CPQ: variants seen among roughly 807,000 people sequenced by gnomAD.
The protein encoded by CPQ is Ser-Met dipeptidase.
Under a neutral mutation model 45.7 loss-of-function variants are expected in CPQ, and 37 were observed. The observed-to-expected ratio is 0.81, with a 90% CI of 0.62 to 1.07. The LOEUF (loss-of-function observed/expected upper bound fraction) is 1.07. Among genes scored for constraint, CPQ ranks in the 50% least tolerant of loss-of-function variants. The pLI is 0.00. For missense variants in CPQ, 537 were observed against 572.9 expected, an observed-to-expected ratio of 0.94 and a Z score of 0.64; for synonymous variants, 186 against 205.8, an observed-to-expected ratio of 0.90 and a Z score of 0.82.
At chr8:96,820,471 C>T (rs1811285803) in intron 2 of CPQ, among the ~76,000 whole-genome samples, 1 of 150,988 alleles carries the variant, frequency 6.6e-6, no homozygotes, top group Non-Finnish European at 1.5e-5. Flanking sequence ...GACTCTTCTC[C>T]CCTCTCCCCT....
intron 1 of CPQ, among the ~76,000 whole-genome samples, chr8:96,717,103 C>T (rs1809692703): frequency 7.9e-6 from 1 of 126,630 alleles, no homozygotes; most frequent in African/African-American, 3.1e-5. Context: ...ACACACACAC[C>T]ACATTTTCTT....
chr8:96,852,707 G>C (rs189301913), intron 3 of CPQ, among the ~76,000 whole-genome samples: 4 of 152,118 alleles, frequency 2.6e-5, no homozygotes, highest in African/African-American at 7.2e-5. Context: ...ATTTGTTCAG[G>C]AGAATAGCAA....
intron 1 of CPQ, among the ~76,000 whole-genome samples, chr8:96,767,869 C>A (rs1334501656): frequency 6.6e-6 from 1 of 151,872 alleles, no homozygotes; most frequent in Non-Finnish European, 1.5e-5. Flanking sequence ...GTCTCGAACC[C>A]CTAACCTCAG....
intron 7 of CPQ, among the ~76,000 whole-genome samples, chr8:97,104,427 C>A (rs1488446241): frequency 6.6e-6 from 1 of 152,126 alleles, no homozygotes; most frequent in Non-Finnish European, 1.5e-5. Flanking sequence ...CTCTTAGGAT[C>A]TTTTTGGTAA....
At chr8:96,803,315 TC>T (rs1267589588) in intron 2 of CPQ, among the ~76,000 whole-genome samples, 4 of 152,280 alleles carry the variant, frequency 2.6e-5, no homozygotes, top group African/African-American at 9.6e-5. Flanking sequence ...CTTTATTCAG[TC>T]CACCAATTCA....
intron 1 of CPQ, among the ~76,000 whole-genome samples, chr8:96,762,679 G>A (rs1370977953): frequency 6.6e-6 from 1 of 152,086 alleles, no homozygotes; most frequent in Non-Finnish European, 1.5e-5. Context: ...ATCTGAGATT[G>A]TTTTACGGGG....
intron 1 of CPQ, among the ~76,000 whole-genome samples, chr8:96,738,220 A>T (rs1810018622): frequency 6.6e-6 from 1 of 152,132 alleles, no homozygotes; most frequent in South Asian, 2.1e-4. Context: ...TCATAGACAC[A>T]CATTAAATTA....
intron 5 of CPQ, among the ~76,000 whole-genome samples, chr8:96,991,884 T>C (rs1809099530): frequency 6.6e-6 from 1 of 152,124 alleles, no homozygotes; most frequent in Non-Finnish European, 1.5e-5. Flanking sequence ...CTCTCCATCA[T>C]TGAGAAGGAA....
intron 7 of CPQ, among the ~76,000 whole-genome samples, chr8:97,078,967 T>A (rs1475697741): frequency 6.6e-6 from 1 of 152,036 alleles, no homozygotes; most frequent in African/African-American, 2.4e-5. Flanking sequence ...CCAGCTAATT[T>A]TTTTAAAATT....
At chr8:97,126,914 C>T (rs370726024) in intron 7 of CPQ, among the ~76,000 whole-genome samples, 46 of 152,098 alleles carry the variant, frequency 3.0e-4, no homozygotes, top group Non-Finnish European at 5.1e-4. Context: ...GGTTATTCAA[C>T]GGGAAAAGGA....
At chr8:97,120,723 A>G (rs868298437) in intron 7 of CPQ, among the ~76,000 whole-genome samples, 8 of 152,232 alleles carry the variant, frequency 5.3e-5, no homozygotes, top group Non-Finnish European at 1.2e-4. Context: ...GGTACTTACA[A>G]TTGACAGGGA....
chr8:96,895,049 C>T (rs111430880), intron 4 of CPQ, among the ~76,000 whole-genome samples: 4,562 of 152,182 alleles, frequency 0.03, 112 homozygotes, highest in Non-Finnish European at 0.045. Context: ...GAGTGCCGTC[C>T]GTGTGTTACC....
intron 1 of CPQ, among the ~76,000 whole-genome samples, chr8:96,719,252 G>A (rs1809729305): frequency 6.6e-6 from 1 of 152,232 alleles, no homozygotes; most frequent in African/African-American, 2.4e-5. Flanking sequence ...GCTAAGGCTT[G>A]GTGAGAAATC....
intron 6 of CPQ, among the ~76,000 whole-genome samples, chr8:97,050,459 C>T (rs1178595818): frequency 6.6e-6 from 1 of 152,164 alleles, no homozygotes; most frequent in African/African-American, 2.4e-5. Flanking sequence ...TAACAAGATA[C>T]ATTCCAATTT....
In CPQ at chr8:96,923,266, G is replaced by C. The variant is rs554895481; in HGVS notation, c.850-42669G>C. 1.1e-4 allele frequency among the ~76,000 whole-genome samples: 17 copies of C among 152,264 alleles called. 1 individual carries two copies. Among genetic ancestry groups the C allele is most frequent in the Admixed American group, 8.5e-4 (13 of 15,298 alleles). On this transcript the variant is annotated intron_variant, in intron 4 of 7. Coordinates refer to ENST00000220763, the MANE Select transcript of CPQ (RefSeq NM_016134.4). ...TATAAAATATGAAATTGAATTGTCA[G>C]TGGCTAGATAGTTAGACATATAGTC...
chr8:97,031,905 T>A (rs927724065), intron 6 of CPQ, among the ~76,000 whole-genome samples: 1 of 152,248 alleles, frequency 6.6e-6, no homozygotes, highest in Non-Finnish European at 1.5e-5. Context: ...CTTTACATGA[T>A]ACAGCCAATT....
intron 7 of CPQ, among the ~76,000 whole-genome samples, chr8:97,107,503 G>C (rs1387564727): frequency 6.6e-6 from 1 of 152,254 alleles, no homozygotes; most frequent in Non-Finnish European, 1.5e-5. Context: ...CCAGGAGTGT[G>C]TAAATCAGCA....
chr8:96,878,696 G>C (rs142403804), intron 3 of CPQ, among the ~76,000 whole-genome samples: 68 of 152,304 alleles, frequency 4.5e-4, no homozygotes, highest in African/African-American at 1.6e-3. Flanking sequence ...ATGCATCATT[G>C]TGTTTGTGCA....
intron 1 of CPQ, among the ~76,000 whole-genome samples, chr8:96,686,921 A>G (rs1809237041): frequency 6.6e-6 from 1 of 152,180 alleles, no homozygotes; most frequent in African/African-American, 2.4e-5. Context: ...TTAGAAAAGC[A>G]TCTTAATTCT....
Sources: gnomAD v4.1 joint callset for allele counts (sites outside exome capture counted in the v4.1 genomes callset) on GRCh38, gnomAD v4.1.1 for gene constraint, MANE v1.5 for transcripts, NCBI Gene and HGNC (gene_info 2026-07-23, HGNC 2026-07-21) for gene names.